Variants in CASS4 observed in about 807,000 individuals in gnomAD.
CASS4 encodes cas scaffolding protein family member 4.
Under a neutral mutation model 54.2 loss-of-function variants are expected in CASS4, and 22 were observed. The observed-to-expected ratio is 0.41, with a 90% CI of 0.29 to 0.58. The LOEUF is 0.58. Among genes scored for constraint, CASS4 ranks in the 20% least tolerant of loss-of-function variants. The pLI, the probability that CASS4 is intolerant of heterozygous loss-of-function variation, is 0.36. For missense variants in CASS4, 854 were observed against 986.7 expected (o/e 0.87, Z 1.80); for synonymous variants, 409 against 391.5 (o/e 1.04, Z -0.53).
intron 1 of CASS4, among the ~76,000 whole-genome samples, chr20:56,426,512 G>C (rs1197734195): frequency 6.6e-6 from 1 of 152,126 alleles, no homozygotes; most frequent in Non-Finnish European, 1.5e-5. Context: ...GAATCTAAAA[G>C]ATTAAAGAGG....
intron 1 of CASS4, among the ~76,000 whole-genome samples, chr20:56,423,568 G>T (rs1187744673): frequency 6.6e-6 from 1 of 151,926 alleles, no homozygotes. Context: ...TTATTGAGAT[G>T]GAGTGTTGCT....
intron 5 of CASS4, among the ~76,000 whole-genome samples, chr20:56,454,742 G>A (rs1981205990): frequency 6.6e-6 from 1 of 152,194 alleles, no homozygotes; most frequent in Non-Finnish European, 1.5e-5. Context: ...ACCATGGTAA[G>A]CTATAGCACT....
chr20:56,428,640 T>C (rs1007838739), intron 1 of CASS4, among the ~76,000 whole-genome samples: 1 of 152,200 alleles, frequency 6.6e-6, no homozygotes, highest in African/African-American at 2.4e-5. Flanking sequence ...TATAATCCTT[T>C]GAGTTTGCTG....
chr20:56,414,257 G>T lies in CASS4; in HGVS notation c.36+1763G>T, dbSNP rs980263756. Among the ~76,000 whole-genome samples, 2 of 152,086 alleles carry T rather than the reference G, an allele frequency of 1.3e-5. No individual in the cohort carries two copies. The highest frequency in any genetic ancestry group is 1.3e-4 in the Admixed American group (2 of 15,272). On this transcript the variant is annotated intron_variant, in intron 1 of 5. Transcript: ENST00000679887. This position sits in a 1 kb window ranked among gnomAD's most constrained non-coding sequence, Gnocchi z 4.1. ...TGTTTGTGTGTGTGTTTGTCTTTCT[G>T]ATCCAGGTGGTGTTTGTCAATTCTC... is the stretch of plus-strand genomic sequence containing the variant.
At chr20:56,449,605 TATA>T (rs1427654069) in intron 3 of CASS4, among the ~76,000 whole-genome samples, 2 of 151,736 alleles carry the variant, frequency 1.3e-5, no homozygotes, top group African/African-American at 2.4e-5. Flanking sequence ...GAACTTAAAG[TATA>T]ATAATAATCA....
intron 2 of CASS4, among the ~76,000 whole-genome samples, chr20:56,439,239 G>A (rs1481477634): frequency 2.1e-4 from 32 of 152,008 alleles, no homozygotes; most frequent in Non-Finnish European, 1.5e-5. Context: ...TGCAATCACT[G>A]TTCACTGCAG....
chr20:56,432,441 C>T (rs1979954996), intron 1 of CASS4, among the ~76,000 whole-genome samples: 1 of 140,224 alleles, frequency 7.1e-6, no homozygotes, highest in African/African-American at 2.7e-5. Flanking sequence ...GATCTTGGCT[C>T]ACTGCAACCT....
intron 1 of CASS4, among the ~76,000 whole-genome samples, chr20:56,422,019 T>C (rs916550524): frequency 1.3e-5 from 2 of 152,204 alleles, no homozygotes; most frequent in South Asian, 4.1e-4. Flanking sequence ...GGAAGCTATC[T>C]CACTTTCAGG....
In CASS4 at chr20:56,421,995, T is replaced by C. The variant is rs183843093; in HGVS notation, c.36+9501T>C. Reference sequence around the variant, plus strand: ...AGATTTTGCAGCTGGATGGGAACTTTGGCGATTGCCCTGGGAAGCTATCTC... The same window carrying C: ...AGATTTTGCAGCTGGATGGGAACTTCGGCGATTGCCCTGGGAAGCTATCTC... On this transcript the variant is annotated intron_variant, in intron 1 of 5. Transcript: ENST00000679887. 2.3e-4 allele frequency among the ~76,000 whole-genome samples: 35 copies of C among 152,348 alleles called. No homozygotes were observed. The East Asian group carries it at 6.2e-3, about 27-fold the overall frequency.
At chr20:56,444,230 A>G (rs966570507) in intron 2 of CASS4, among the ~76,000 whole-genome samples, 4 of 152,164 alleles carry the variant, frequency 2.6e-5, no homozygotes, top group African/African-American at 9.7e-5. Flanking sequence ...GGACACCATG[A>G]TGAATAGAGG....
At chr20:56,419,046 T>G (rs1979286644) in intron 1 of CASS4, among the ~76,000 whole-genome samples, 1 of 152,026 alleles carries the variant, frequency 6.6e-6, no homozygotes, top group Admixed American at 6.6e-5. Context: ...ACCCCAAAAC[T>G]TAAAAGGTCT....
In CASS4 at chr20:56,445,906, CT is replaced by C; in HGVS notation, c.467del (p.Leu156ProfsTer31). On this transcript the variant is annotated frameshift_variant, in exon 3 of 6. Coordinates refer to ENST00000679887, the MANE Select transcript of CASS4 (RefSeq NM_020356.4). LOFTEE classifies it high-confidence loss of function. ...CTCCTCCTTTCTCTCCAAGGCCATC[CT>C]CACGCTTCCCAGACCTGTCCGGGCC... ...KTLSFPKQAI[L>X]TLPRPVRASL... is the part of the protein sequence containing the mutation. The C allele has an allele frequency of 6.2e-7, 1 of 1,613,140 alleles. No individual in the cohort carries two copies. The highest frequency in any genetic ancestry group is 1.1e-5 in the South Asian group (1 of 91,058).
rs1981438913 is a variant in CASS4 at position 56,458,649 on chromosome 20, G to A, written c.2263G>A (p.Val755Met). ...KDVALATKNA[V>M]LTYPSPAALG... ...CGTAGCGCTGGCCACTAAGAATGCC[G>A]TGCTCACGTACCCCAGCCCTGCCGC... is the stretch of plus-strand genomic sequence containing the variant. The change falls in exon 6 of 6, where the codon GTG becomes ATG. Residue 755 changes from valine to methionine, a missense_variant. Val to Met is a conservative substitution (Grantham distance 21, BLOSUM62 1). Transcript: ENST00000679887. The A allele has an allele frequency of 1.2e-6, 2 of 1,613,682 alleles. No homozygotes were observed. Among genetic ancestry groups the A allele is most frequent in the Admixed American group, 1.7e-5 (1 of 59,972 alleles).
chr20:56,428,588 C>G (rs192825049), intron 1 of CASS4, among the ~76,000 whole-genome samples: 121 of 152,260 alleles, frequency 7.9e-4, no homozygotes, highest in African/African-American at 2.8e-3. Context: ...AAATGTCTTA[C>G]GCCTGGCCTG....
Position 56,452,152 on chromosome 20 carries a change from G to C in CASS4, c.976G>C (p.Asp326His). 1 of 1,614,180 alleles carries C rather than the reference G, an allele frequency of 6.2e-7. No individual in the cohort carries two copies. Among genetic ancestry groups the C allele is most frequent in the South Asian group, 1.1e-5 (1 of 91,086 alleles). Residue 326 changes from aspartate (D) to histidine (H), a missense_variant, in exon 5 of 6, where the codon GAT (aspartate) becomes CAT (histidine). By Grantham distance (81) the Asp-to-His change is moderately conservative (BLOSUM62 -1). Transcript: ENST00000679887. ...VPRGTFPLDE[D>H]VSYKVPSSFL... Reference sequence around the variant, plus strand: ...CAGAGGCACATTTCCTTTGGATGAAGATGTCAGCTACAAGGTTCCTTCAAG... The same window carrying C: ...CAGAGGCACATTTCCTTTGGATGAACATGTCAGCTACAAGGTTCCTTCAAG...
At chr20:56,440,657 G>A (rs541242337) in intron 2 of CASS4, among the ~76,000 whole-genome samples, 2 of 152,346 alleles carry the variant, frequency 1.3e-5, no homozygotes, top group East Asian at 1.9e-4. Context: ...CTGCTAGACT[G>A]ACATCCGTGT....
chr20:56,423,717 G>A (rs2146267365), intron 1 of CASS4, among the ~76,000 whole-genome samples: 1 of 152,052 alleles, frequency 6.6e-6, no homozygotes, highest in South Asian at 2.1e-4. Context: ...GCTAATTTTT[G>A]TATTTTTAGT....
chr20:56,426,579 T>TC (rs545055408), intron 1 of CASS4, among the ~76,000 whole-genome samples: 62 of 151,618 alleles, frequency 4.1e-4, no homozygotes, highest in South Asian at 1.0e-3. Flanking sequence ...TCTTTCCGCC[T>TC]CCCCCTCCCC....
chr20:56,428,084 TG>T (rs1270700048), intron 1 of CASS4, among the ~76,000 whole-genome samples: 1 of 152,200 alleles, frequency 6.6e-6, no homozygotes, highest in Non-Finnish European at 1.5e-5. Context: ...GTGACCTCAC[TG>T]TATGATTTAC....
Sources: gnomAD v4.1 joint callset for allele counts (sites outside exome capture counted in the v4.1 genomes callset) on GRCh38, gnomAD v4.1.1 for gene constraint, Gnocchi (gnomAD v3.1) non-coding constraint, MANE v1.5 for transcripts, NCBI Gene and HGNC (gene_info 2026-07-23, HGNC 2026-07-21) for gene names.